The following ATG5 variants were observed in gnomAD, a reference collection of about 807,000 sequenced individuals.
ATG5 encodes the protein autophagy protein 5.
ATG5 carries 14 observed loss-of-function variants against 36.5 expected under a neutral mutation model. The ratio of observed to expected loss-of-function variants is 0.38; its 90% CI spans 0.25 to 0.60. ATG5 has a LOEUF of 0.60. Among genes scored for constraint, ATG5 ranks in the 20% least tolerant of loss-of-function variants. The pLI is 0.60. For synonymous variants in ATG5, 95 were observed against 101.5 expected (o/e 0.94, Z 0.38); for missense variants, 195 against 326.7 (o/e 0.60, Z 3.11).
intron 7 of ATG5, 53 bp downstream of exon 7, chr6:106,201,919 T>C (rs1776445095): frequency 7.4e-7 from 1 of 1,353,236 alleles, no homozygotes; most frequent in African/African-American, 1.4e-5. Flanking sequence ...ATGCTTATTT[T>C]ACTTCAGTAA....
rs371870047 is a variant in ATG5 at position 106,299,850 on chromosome 6, T to C, written c.237-6744A>G. On this transcript the variant is annotated intron_variant, in intron 3 of 7. Coordinates refer to ENST00000369076, the MANE Select transcript of ATG5 (RefSeq NM_004849.4). ...ACTGGAGAACTACTGCCCAAGTTCA[T>C]GTCACTAAAATAAATGCCTCCTATT... is the stretch of plus-strand genomic sequence containing the variant. Among the ~76,000 whole-genome samples, 12 of 152,340 alleles carry C rather than the reference T, an allele frequency of 7.9e-5. No homozygotes were observed. The South Asian group carries it at 2.3e-3, about 29-fold the overall frequency.
chr6:106,226,748 A>G (rs1347033094), intron 6 of ATG5, among the ~76,000 whole-genome samples: 2 of 152,288 alleles, frequency 1.3e-5, no homozygotes, highest in African/African-American at 2.4e-5. Flanking sequence ...TATCATTCCC[A>G]AACAGAAATA....
chr6:106,323,260 CTTTTTTTTTTTTT>C (rs71274321), intron 1 of ATG5, among the ~76,000 whole-genome samples: 2 of 64,230 alleles, frequency 3.1e-5, no homozygotes, highest in South Asian at 8.7e-4. Context: ...TGGAAAAGTC[CTTTTTTTTTTTTT>C]TTTTTTTTTT....
At chr6:106,231,344 G>A (rs1216680388) in intron 6 of ATG5, among the ~76,000 whole-genome samples, 2 of 152,176 alleles carry the variant, frequency 1.3e-5, no homozygotes, top group Non-Finnish European at 2.9e-5. Context: ...ACTGCAGCCT[G>A]AGAGTTTGGC....
At chr6:106,204,178 T>C (rs1776542017) in intron 6 of ATG5, among the ~76,000 whole-genome samples, 9 of 152,124 alleles carry the variant, frequency 5.9e-5, no homozygotes. Context: ...CATATCTATG[T>C]AACAAACCTG....
chr6:106,255,062 T>A (rs1336401551), intron 5 of ATG5, among the ~76,000 whole-genome samples: 1 of 152,216 alleles, frequency 6.6e-6, no homozygotes, highest in Non-Finnish European at 1.5e-5. Context: ...TGGGCACAAT[T>A]TAGTTGCCAT....
At chr6:106,282,765 A>G (rs1004936924) in intron 4 of ATG5, among the ~76,000 whole-genome samples, 12 of 151,910 alleles carry the variant, frequency 7.9e-5, no homozygotes, top group African/African-American at 2.7e-4. Flanking sequence ...TGATTTTTCT[A>G]TTTTATTCTG....
intron 6 of ATG5, among the ~76,000 whole-genome samples, chr6:106,245,975 C>CCA (rs1203540560): frequency 6.6e-6 from 1 of 151,958 alleles, no homozygotes; most frequent in Non-Finnish European, 1.5e-5. Context: ...TTGGTCAAGG[C>CCA]CATGGTTGAA....
intron 5 of ATG5, among the ~76,000 whole-genome samples, chr6:106,260,419 T>C (rs953243480): frequency 6.6e-6 from 1 of 152,138 alleles, no homozygotes; most frequent in African/African-American, 2.4e-5. Context: ...ATACACTAAA[T>C]GTAAAAGAGC....
chr6:106,226,924 AGAAG>A (rs1024590953), intron 6 of ATG5, among the ~76,000 whole-genome samples: 2 of 152,048 alleles, frequency 1.3e-5, no homozygotes, highest in South Asian at 2.1e-4. Flanking sequence ...AAGAGAGGGA[AGAAG>A]GAAGGAAGGA....
chr6:106,302,336 T>C (rs1266476307), intron 3 of ATG5, among the ~76,000 whole-genome samples: 3 of 152,120 alleles, frequency 2.0e-5, no homozygotes. Context: ...AGTGGGATCA[T>C]GGACAACCTT....
chr6:106,235,645 A>G (rs1777871020), intron 6 of ATG5, among the ~76,000 whole-genome samples: 1 of 152,116 alleles, frequency 6.6e-6, no homozygotes, highest in South Asian at 2.1e-4. Context: ...TTAGACAAAA[A>G]CAGGAGGTAA....
At chr6:106,278,294 C>T (rs771536318) in intron 5 of ATG5, among the ~76,000 whole-genome samples, 11 of 152,142 alleles carry the variant, frequency 7.2e-5, no homozygotes, top group Admixed American at 5.2e-4. Context: ...TTGAAGAGTG[C>T]TTGCTTTCTC....
chr6:106,197,805 T>G (rs1582536255), intron 7 of ATG5, among the ~76,000 whole-genome samples: 1 of 152,250 alleles, frequency 6.6e-6, no homozygotes, highest in East Asian at 1.9e-4. Flanking sequence ...TCTTTATAAA[T>G]TACCCAACCT....
chr6:106,300,647 G>A (rs1562264038), intron 3 of ATG5, among the ~76,000 whole-genome samples: 1 of 151,962 alleles, frequency 6.6e-6, no homozygotes, highest in Non-Finnish European at 1.5e-5. Context: ...ATGTTCCTAG[G>A]CTATAATCCT....
At chr6:106,297,379 T>TG (rs946150105) in intron 3 of ATG5, among the ~76,000 whole-genome samples, 1 of 152,158 alleles carries the variant, frequency 6.6e-6, no homozygotes, top group Non-Finnish European at 1.5e-5. Flanking sequence ...TCAGTCTAAT[T>TG]GGTGTTGATT....
chr6:106,212,732 G>C (rs1776905536), intron 6 of ATG5, among the ~76,000 whole-genome samples: 1 of 152,204 alleles, frequency 6.6e-6, no homozygotes, highest in South Asian at 2.1e-4. Context: ...ACACAATTTT[G>C]AGATAATGAA....
intron 7 of ATG5, among the ~76,000 whole-genome samples, chr6:106,198,107 A>AAC (rs59538930): frequency 0.11 from 17,403 of 152,210 alleles, 1,081 homozygotes; most frequent in African/African-American, 0.16. Flanking sequence ...ACACCCTTAT[A>AAC]ACAGAGAAAA....
At chr6:106,248,975 A>C (rs1040863849) in intron 5 of ATG5, among the ~76,000 whole-genome samples, 1 of 152,216 alleles carries the variant, frequency 6.6e-6, no homozygotes, top group African/African-American at 2.4e-5. Context: ...AATACTGAAC[A>C]CAGTAAACAT....
Sources: gnomAD v4.1 joint callset for allele counts (sites outside exome capture counted in the v4.1 genomes callset) on GRCh38, gnomAD v4.1.1 for gene constraint, MANE v1.5 for transcripts, NCBI Gene and HGNC (gene_info 2026-07-23, HGNC 2026-07-21) for gene names.